Variants in BBS5 observed in about 807,000 individuals in gnomAD.
BBS5 encodes Bardet-Biedl syndrome 5, also known as BBSome complex member BBS5.
In BBS5, 39 loss-of-function variants were observed where a neutral mutation model predicts 50.2. The ratio of observed to expected loss-of-function variants is 0.78; its 90% CI spans 0.60 to 1.01. BBS5 has a LOEUF of 1.01. BBS5 is among the 50% of genes least tolerant of loss of function. The probability of loss-of-function intolerance (pLI) is 0.00; values close to 1 mark genes in which losing one functional copy is unlikely to be tolerated. For missense variants in BBS5, 356 were observed against 401.5 expected (o/e 0.89, Z 0.97); for synonymous variants, 134 against 133.1 (o/e 1.01, Z -0.05).
chr2:169,503,325 G>A (rs1003067629), intron 10 of BBS5, 147 bp downstream of exon 10: 2 of 729,752 alleles, frequency 2.7e-6, no homozygotes, highest in Admixed American at 2.3e-5. Flanking sequence ...TTTTAGTGAG[G>A]GATTTCTTTT....
At chr2:169,499,344 T>C in intron 8 of BBS5, 142 bp from the exon 9 acceptor site, 1 of 893,454 alleles carries the variant, frequency 1.1e-6, no homozygotes, top group Non-Finnish European at 1.7e-6. Flanking sequence ...TTGAAATTTT[T>C]CATAATAAAA....
At chr2:169,498,789 A>G (rs1368182106) in intron 8 of BBS5, among the ~76,000 whole-genome samples, 1 of 148,900 alleles carries the variant, frequency 6.7e-6, no homozygotes, top group Non-Finnish European at 1.5e-5. Flanking sequence ...CCTGGCCGAC[A>G]GAGCGAGACT....
chr2:169,488,940 T>G (rs1683535300), intron 5 of BBS5, among the ~76,000 whole-genome samples: 1 of 152,184 alleles, frequency 6.6e-6, no homozygotes, highest in Non-Finnish European at 1.5e-5. Context: ...GTGTTTTCCC[T>G]GAAGAGTTTT....
intron 8 of BBS5, 191 bp from the exon 9 acceptor site, chr2:169,499,295 C>T (rs192149331): frequency 2.2e-4 from 121 of 554,382 alleles, no homozygotes; most frequent in African/African-American, 1.9e-3. Context: ...ATGATGGCTC[C>T]GTGGAGGCCC....
Position 169,505,660 on chromosome 2 carries a change from A to C in BBS5, c.*1078A>C, listed in dbSNP as rs374587441. The C allele has an allele frequency of 3.5e-4, 80 of 229,924 alleles. 1 individual carries two copies. In the East Asian group the frequency reaches 0.012, roughly 36 times the overall value. 14.2% of individuals were successfully genotyped at this position (229,924 alleles called of 1,614,324 possible). ...CTCTGCCCAGCCGCCCCGTCTGAGA[A>C]GTGAGGAGACCCTCCGCCTGGCAAC... On this transcript the variant is annotated 3_prime_UTR_variant, in exon 12 of 12. Transcript: ENST00000295240.
At chr2:169,502,237 T>C (rs1245061187) in intron 9 of BBS5, among the ~76,000 whole-genome samples, 1 of 152,208 alleles carries the variant, frequency 6.6e-6, no homozygotes. Flanking sequence ...TTCACTGCTC[T>C]AAGCACTTTA....
intron 6 of BBS5, 65 bp downstream of exon 6, chr2:169,493,074 A>T: frequency 1.9e-6 from 3 of 1,559,384 alleles, no homozygotes; most frequent in South Asian, 1.1e-5. Flanking sequence ...TCCATTCATC[A>T]TTGGATTTAT....
chr2:169,494,984 T>A (rs1006085933), intron 7 of BBS5, among the ~76,000 whole-genome samples: 10 of 152,214 alleles, frequency 6.6e-5, no homozygotes, highest in Admixed American at 1.3e-4. Flanking sequence ...CTAAATTGTT[T>A]GATTTCAGAG....
chr2:169,494,747 G>T (rs949913761), intron 7 of BBS5, among the ~76,000 whole-genome samples: 2 of 151,984 alleles, frequency 1.3e-5, no homozygotes, highest in Non-Finnish European at 2.9e-5. Context: ...TAGAATTCTA[G>T]AACAAATTAG....
intron 10 of BBS5, among the ~76,000 whole-genome samples, chr2:169,503,832 G>A (rs187849856): frequency 1.3e-5 from 2 of 152,140 alleles, no homozygotes; most frequent in African/African-American, 2.4e-5. Context: ...TGAAACAAAG[G>A]TGTGAAATTA....
rs763727054 is a variant in BBS5, at chr2:169,499,470, A to AT, written c.682-10dup. ...CAGACTTGTTGGGTTTTTTTTTATT[A>AT]TTTTTTCTCTTGTAGAGTGGTGGAT... On this transcript the variant is annotated splice_polypyrimidine_tract_variant and intron_variant, in intron 8 of 11. Coordinates refer to ENST00000295240, the MANE Select transcript of BBS5 (RefSeq NM_152384.3). The AT allele has an allele frequency of 1.9e-6, 3 of 1,607,570 alleles. No homozygotes were observed. Among genetic ancestry groups the AT allele is most frequent in the African/African-American group, 2.7e-5 (2 of 74,292 alleles).
intron 2 of BBS5, among the ~76,000 whole-genome samples, chr2:169,484,899 G>A (rs968016680): frequency 2.0e-5 from 3 of 152,322 alleles, no homozygotes; most frequent in Middle Eastern, 3.4e-3. Flanking sequence ...CTATACTTTG[G>A]TATTAGGCAG....
chr2:169,503,009 T>A (rs1482799095), intron 9 of BBS5, 86 bp from the exon 10 acceptor site: 1 of 973,038 alleles, frequency 1.0e-6, no homozygotes, highest in African/African-American at 1.6e-5. Flanking sequence ...TTTAGTAGTT[T>A]GTAATTGTTA....
chr2:169,489,046 T>G (rs1302819145), intron 5 of BBS5, among the ~76,000 whole-genome samples: 2 of 152,166 alleles, frequency 1.3e-5, no homozygotes, highest in East Asian at 3.9e-4. Flanking sequence ...GGCTGGAGTA[T>G]AGTGGTGCAG....
intron 7 of BBS5, among the ~76,000 whole-genome samples, 155 bp downstream of exon 7, chr2:169,493,991 T>C (rs1683650256): frequency 6.6e-6 from 1 of 152,234 alleles, no homozygotes; most frequent in Non-Finnish European, 1.5e-5. Context: ...TAATTTACTA[T>C]GAAATATTTC....
Position 169,505,651 on chromosome 2 carries a change from C to T in BBS5, c.*1069C>T, listed in dbSNP as rs528769355. ...GAGGAGCAACTCTGCCCAGCCGCCC[C>T]GTCTGAGAAGTGAGGAGACCCTCCG... On this transcript the variant is annotated 3_prime_UTR_variant, in exon 12 of 12. Transcript: ENST00000295240. The T allele has an allele frequency of 2.0e-4, 49 of 239,300 alleles. 1 individual carries two copies. Among genetic ancestry groups the T allele is most frequent in the South Asian group, 1.7e-3 (39 of 23,300 alleles). 14.8% of individuals were successfully genotyped at this position (239,300 alleles called of 1,614,324 possible).
chr2:169,497,037 A>G (rs536122621), intron 7 of BBS5, among the ~76,000 whole-genome samples: 45 of 151,872 alleles, frequency 3.0e-4, no homozygotes, highest in African/African-American at 1.1e-3. Context: ...TTAAAAGTTC[A>G]GTCTGGGCAC....
intron 1 of BBS5, 102 bp downstream of exon 1, chr2:169,479,714 C>G (rs1362580535): frequency 4.5e-6 from 6 of 1,321,750 alleles, no homozygotes; most frequent in South Asian, 1.2e-5. Context: ...AGCTCGCGGC[C>G]CTGGTGAGGG....
Position 169,492,035 on chromosome 2 carries a change from G to C in BBS5, c.387-839G>C, listed in dbSNP as rs193289929. 4.6e-5 allele frequency among the ~76,000 whole-genome samples: 7 copies of C among 152,046 alleles called. No individual in the cohort carries two copies. The South Asian group carries it at 1.0e-3, about 23-fold the overall frequency. ...TGCTCTCAAACTCCAGACTTCAAGT[G>C]ATCTGCCCACCTCGGCCTCCCAAAG... On this transcript the variant is annotated intron_variant, in intron 5 of 11. Coordinates refer to ENST00000295240, the MANE Select transcript of BBS5 (RefSeq NM_152384.3).
Sources: gnomAD v4.1 joint callset for allele counts (sites outside exome capture counted in the v4.1 genomes callset) on GRCh38, gnomAD v4.1.1 for gene constraint, MANE v1.5 for transcripts, NCBI Gene and HGNC (gene_info 2026-07-23, HGNC 2026-07-21) for gene names.